Variants in PTPN12 observed in about 807,000 individuals in gnomAD.
The protein encoded by PTPN12 is protein tyrosine phosphatase non-receptor type 12, also known as tyrosine-protein phosphatase non-receptor type 12.
Under a neutral mutation model 97.6 loss-of-function variants are expected in PTPN12, and 29 were observed. The ratio of observed to expected loss-of-function variants is 0.30; its 90% CI spans 0.22 to 0.41. The LOEUF (loss-of-function observed/expected upper bound fraction) is 0.41. Ranked by LOEUF, PTPN12 falls within the 10% of genes least tolerant of loss-of-function variation. PTPN12 has a pLI of 1.00. For synonymous variants in PTPN12, 327 were observed against 300.4 expected (o/e 1.09, Z -0.91); for missense variants, 819 against 926.0 (o/e 0.88, Z 1.50).
rs199611466 is a variant in PTPN12 at position 77,636,761 on chromosome 7, GCAAAA to G, written c.2143-254_2143-250del. ...ATGATATAATTAGTAATAGTGGCTG[GCAAAA>G]CACAGCTGTATGTTCCTTCATGCAG... On this transcript the variant is annotated intron_variant, in intron 15 of 17. Coordinates refer to ENST00000248594, the MANE Select transcript of PTPN12 (RefSeq NM_002835.4). The G allele has an allele frequency of 4.4e-3, 1,306 of 298,688 alleles. 13 individuals carry two copies. Among genetic ancestry groups the G allele is most frequent in the African/African-American group, 0.025 (1,174 of 46,386 alleles). 18.5% of individuals were successfully genotyped at this position (298,688 alleles called of 1,614,324 possible). A position where few individuals can be genotyped will look rare whatever the true frequency, so the allele number is the denominator to read the frequency against.
intron 1 of PTPN12, among the ~76,000 whole-genome samples, chr7:77,569,192 A>G (rs1003374216): frequency 1.3e-5 from 2 of 152,196 alleles, no homozygotes; most frequent in Non-Finnish European, 2.9e-5. Flanking sequence ...TCCAGAGATG[A>G]TATATGCATA....
At chr7:77,597,029 C>T (rs1432207063) in intron 6 of PTPN12, among the ~76,000 whole-genome samples, 1 of 152,144 alleles carries the variant, frequency 6.6e-6, no homozygotes. Flanking sequence ...TCCACCTATT[C>T]ATTCATCTCA....
chr7:77,627,578 T>A lies in PTPN12; in HGVS notation c.1899T>A (p.Ala633=), dbSNP rs1341165886. ...CAACAGCAAGTGCCACAGTTTCTGC[T>A]GCCACTAGTACTGAAAGCATTTCTA... ...NISTASATVS[A]ATSTESISTR... Residue 633 remains alanine, a synonymous_variant, in exon 13 of 18, where the codon GCT becomes GCA. Transcript: ENST00000248594. The A allele has an allele frequency of 1.2e-6, 2 of 1,613,982 alleles. No individual in the cohort carries two copies. The highest frequency in any genetic ancestry group is 2.2e-5 in the South Asian group (2 of 91,072).
At chr7:77,545,418 A>G (rs1295584451) in intron 1 of PTPN12, among the ~76,000 whole-genome samples, 1 of 152,080 alleles carries the variant, frequency 6.6e-6, no homozygotes, top group Non-Finnish European at 1.5e-5. Flanking sequence ...ATATAAGTTA[A>G]AAAAACTCAT....
At chr7:77,611,363 C>G (rs1215710626) in intron 11 of PTPN12, among the ~76,000 whole-genome samples, 1 of 152,170 alleles carries the variant, frequency 6.6e-6, no homozygotes, top group East Asian at 1.9e-4. Context: ...CCCTTCCACC[C>G]CCACCCAAGT....
chr7:77,571,268 T>A (rs141500571), intron 2 of PTPN12, 82 bp downstream of exon 2: 1 of 788,164 alleles, frequency 1.3e-6, no homozygotes, highest in Non-Finnish European at 2.0e-6. Flanking sequence ...TCTTCCTGAG[T>A]TTCACTGTTA....
chr7:77,573,090 A>AAACAAAC (rs1562720763), intron 2 of PTPN12, among the ~76,000 whole-genome samples: 2 of 118,768 alleles, frequency 1.7e-5, no homozygotes, highest in East Asian at 5.1e-4. Flanking sequence ...CTCAAAAAAA[A>AAACAAAC]AAAAAACAAA....
intron 13 of PTPN12, among the ~76,000 whole-genome samples, chr7:77,632,082 G>A (rs191917907): frequency 6.6e-6 from 1 of 152,328 alleles, no homozygotes; most frequent in East Asian, 1.9e-4. Flanking sequence ...CTTCTCTACT[G>A]AAGATTCCCT....
At chr7:77,597,400 G>A (rs1273175069) in intron 6 of PTPN12, among the ~76,000 whole-genome samples, 3 of 152,196 alleles carry the variant, frequency 2.0e-5, no homozygotes, top group African/African-American at 7.2e-5. Flanking sequence ...TGGAATTACA[G>A]GCATGAGCCA....
intron 11 of PTPN12, among the ~76,000 whole-genome samples, chr7:77,614,845 T>G (rs1228155767): frequency 6.6e-6 from 1 of 152,234 alleles, no homozygotes; most frequent in African/African-American, 2.4e-5. Flanking sequence ...CCCCACTTAC[T>G]ACTTTTCTGA....
At chr7:77,586,999 C>T (rs1383232222) in intron 5 of PTPN12, among the ~76,000 whole-genome samples, 1 of 152,186 alleles carries the variant, frequency 6.6e-6, no homozygotes, top group African/African-American at 2.4e-5. Flanking sequence ...TTTGCAGTTA[C>T]TTCCTCTACT....
chr7:77,631,363 C>G (rs1350933101), intron 13 of PTPN12, among the ~76,000 whole-genome samples: 10 of 152,184 alleles, frequency 6.6e-5, no homozygotes, highest in Admixed American at 5.9e-4. Context: ...TGAAAATTGA[C>G]AAGACCTATG....
At chr7:77,639,010 A>AT (rs1304552626) in intron 17 of PTPN12, 5 of 672,320 alleles carry the variant, frequency 7.4e-6, no homozygotes, top group Non-Finnish European at 1.1e-5. Flanking sequence ...TATTTCCAGC[A>AT]TAAGATTTTT....
chr7:77,583,960 GA>G, intron 4 of PTPN12: 1 of 238,080 alleles, frequency 4.2e-6, no homozygotes, highest in South Asian at 5.7e-5. Flanking sequence ...TAAAATACTT[GA>G]TAGTACAGTT....
intron 14 of PTPN12, among the ~76,000 whole-genome samples, chr7:77,632,905 C>T (rs897615277): frequency 2.0e-5 from 3 of 152,096 alleles, no homozygotes; most frequent in South Asian, 2.1e-4. Flanking sequence ...TGCAGTGAGC[C>T]GAGATTGCGC....
intron 8 of PTPN12, 54 bp downstream of exon 8, chr7:77,600,860 C>A: frequency 7.0e-7 from 1 of 1,421,860 alleles, no homozygotes; most frequent in Non-Finnish European, 9.6e-7. Flanking sequence ...TGATGTTACA[C>A]AAGGTTTTAT....
chr7:77,537,535 G>T lies in PTPN12; in HGVS notation c.-12G>T, dbSNP rs1248648834. ...GGGGGGCCAGCGACCGCAGCCGGGG[G>T]GACGCGGGAGGATGGAGCAAGTGGA... is the stretch of plus-strand genomic sequence containing the variant. On this transcript the variant is annotated 5_prime_UTR_variant, in exon 1 of 18. Transcript: ENST00000248594. The T allele has an allele frequency of 1.3e-6, 2 of 1,585,230 alleles. No individual in the cohort carries two copies.
chr7:77,586,391 C>T (rs749877061), intron 5 of PTPN12, among the ~76,000 whole-genome samples: 2 of 152,122 alleles, frequency 1.3e-5, no homozygotes, highest in Non-Finnish European at 2.9e-5. Flanking sequence ...TTGGTATTTG[C>T]TAAAGGTTGG....
At chr7:77,595,424 A>G (rs1264475578) in intron 6 of PTPN12, among the ~76,000 whole-genome samples, 3 of 152,182 alleles carry the variant, frequency 2.0e-5, no homozygotes, top group Non-Finnish European at 4.4e-5. Flanking sequence ...GACAAGGGTA[A>G]AGTGGTGGTG....
Sources: allele counts gnomAD v4.1 joint callset (sites outside exome capture counted in the v4.1 genomes callset), GRCh38; gene constraint gnomAD v4.1.1; transcripts MANE v1.5; gene names NCBI Gene and HGNC (gene_info 2026-07-23, HGNC 2026-07-21).